ROBO2: variants seen among roughly 807,000 people sequenced by gnomAD.
ROBO2 encodes roundabout guidance receptor 2, also known as roundabout homolog 2.
In ROBO2, 53 loss-of-function variants were observed where a neutral mutation model predicts 160.8. The ratio of observed to expected loss-of-function variants is 0.33; its 90% CI spans 0.26 to 0.41. The LOEUF is 0.41. ROBO2 is among the 10% of genes least tolerant of loss of function. The pLI, the probability that ROBO2 is intolerant of heterozygous loss-of-function variation, is 1.00. For synonymous variants in ROBO2, 664 were observed against 611.7 expected (o/e 1.09, Z -1.26); for missense variants, 1,577 against 1,722.4 (o/e 0.92, Z 1.49).
intron 2 of ROBO2, among the ~76,000 whole-genome samples, chr3:76,935,829 A>C (rs1224554701): frequency 5.3e-5 from 8 of 152,130 alleles, no homozygotes; most frequent in Admixed American, 5.2e-4. Context: ...AGGGAGAAGG[A>C]GCTCTCTGGG....
At chr3:76,136,638 A>G (rs895110715) in intron 2 of ROBO2, among the ~76,000 whole-genome samples, 2 of 152,096 alleles carry the variant, frequency 1.3e-5, no homozygotes, top group Admixed American at 1.3e-4. Flanking sequence ...TTAACTTTGC[A>G]TTTATTTATA....
At chr3:75,911,960 C>A (rs1339207226) in intron 1 of ROBO2, among the ~76,000 whole-genome samples, 1 of 152,154 alleles carries the variant, frequency 6.6e-6, no homozygotes, top group African/African-American at 2.4e-5. Flanking sequence ...GGCCTCAGCA[C>A]ATGGTAGAAA....
At chr3:77,488,394 G>A (rs567519679) in intron 4 of ROBO2, among the ~76,000 whole-genome samples, 3 of 152,158 alleles carry the variant, frequency 2.0e-5, no homozygotes, top group East Asian at 1.9e-4. Flanking sequence ...GTCAGCAAAC[G>A]ACCCTTGAGA....
At chr3:77,254,293 C>T (rs2090693448) in intron 2 of ROBO2, among the ~76,000 whole-genome samples, 1 of 152,128 alleles carries the variant, frequency 6.6e-6, no homozygotes, top group Admixed American at 6.6e-5. Flanking sequence ...TTCTGCTCTT[C>T]TAGTGAATAG....
intron 2 of ROBO2, among the ~76,000 whole-genome samples, chr3:76,855,640 A>T (rs981831280): frequency 1.3e-5 from 2 of 152,326 alleles, no homozygotes; most frequent in Admixed American, 1.3e-4. Context: ...CAGCAGGTGA[A>T]AGAATTCATA....
At chr3:77,023,101 T>G (rs2062742430) in intron 2 of ROBO2, among the ~76,000 whole-genome samples, 1 of 152,276 alleles carries the variant, frequency 6.6e-6, no homozygotes, top group South Asian at 2.1e-4. Context: ...AATTCCCACA[T>G]GTTGTGGGAG....
rs903197598 is a variant in ROBO2, at chr3:76,657,681, T to C, written c.110-440333T>C. Among the ~76,000 whole-genome samples the C allele has an allele frequency of 3.4e-5, 4 of 118,522 alleles. No homozygotes were observed. The East Asian group carries it at 6.0e-4, about 18-fold the overall frequency. The allele number at this position is 118,522 out of a possible 152,430, so 77.8% of individuals were successfully genotyped here. ...TCATATATATGTGTATATATATACA[T>C]ATATGTGTGTATATATATTCATATA... On this transcript the variant is annotated intron_variant, in intron 2 of 26. Transcript: ENST00000487694.
intron 2 of ROBO2, among the ~76,000 whole-genome samples, chr3:76,242,693 C>T (rs1375189803): frequency 1.3e-5 from 2 of 152,072 alleles, no homozygotes; most frequent in African/African-American, 4.8e-5. Flanking sequence ...GGAGATCAAC[C>T]AGGGCAACAT....
chr3:77,040,475 A>G, exon 1 of ROBO2: 1 of 1,207,620 alleles, frequency 8.3e-7, no homozygotes, highest in Non-Finnish European at 1.0e-6. Flanking sequence ...GTGGAGCCTA[A>G]GGAGAGAGGG....
intron 2 of ROBO2, among the ~76,000 whole-genome samples, chr3:75,942,033 C>A (rs1053923645): frequency 2.6e-5 from 4 of 152,062 alleles, no homozygotes; most frequent in Non-Finnish European, 5.9e-5. Flanking sequence ...TTCAAAGTTA[C>A]TTTTATTGTT....
chr3:76,720,933 GAC>G (rs750124644), intron 2 of ROBO2, among the ~76,000 whole-genome samples: 52 of 152,040 alleles, frequency 3.4e-4, no homozygotes, highest in Non-Finnish European at 6.0e-4. Context: ...TGTCCACTAC[GAC>G]ACACAAAAAT....
intron 2 of ROBO2, among the ~76,000 whole-genome samples, chr3:75,959,112 C>G (rs921901159): frequency 6.6e-6 from 1 of 151,658 alleles, no homozygotes; most frequent in Non-Finnish European, 1.5e-5. Flanking sequence ...AGAAAGTAGA[C>G]AAATGAAAAA....
chr3:76,217,856 C>CA (rs1264923736), intron 2 of ROBO2, among the ~76,000 whole-genome samples: 3 of 151,998 alleles, frequency 2.0e-5, no homozygotes, highest in Admixed American at 1.3e-4. Flanking sequence ...AGAGACACAA[C>CA]AAAAAAAGAG....
chr3:77,121,737 T>A (rs2074793958), intron 2 of ROBO2, among the ~76,000 whole-genome samples: 1 of 152,142 alleles, frequency 6.6e-6, no homozygotes, highest in South Asian at 2.1e-4. Context: ...ATGATTAAGA[T>A]CTCATCAGGG....
intron 2 of ROBO2, among the ~76,000 whole-genome samples, chr3:76,161,836 A>G (rs1451575592): frequency 6.6e-6 from 1 of 152,130 alleles, no homozygotes; most frequent in Non-Finnish European, 1.5e-5. Context: ...CCACAAGAGG[A>G]TGATTCTCAT....
At position 76,492,262 on chromosome 3, in the gene ROBO2, A is replaced by G. The variant is rs563316859; in HGVS notation, c.109+554660A>G. 3.3e-5 allele frequency among the ~76,000 whole-genome samples: 5 copies of G among 152,310 alleles called. No individual in the cohort carries two copies. In the South Asian group the frequency reaches 1.0e-3, roughly 32 times the overall value. On this transcript the variant is annotated intron_variant, in intron 2 of 26. Coordinates refer to the ROBO2 transcript ENST00000487694. ...TAAAATTACCTGTTTAATTTTATCA[A>G]TCTGGTTTCAATATTTGTTATTGAG...
At chr3:77,180,416 C>CTCCCTCTCTCTATATATATATA (rs1433740534) in intron 2 of ROBO2, among the ~76,000 whole-genome samples, 1 of 90,708 alleles carries the variant, frequency 1.1e-5, no homozygotes. Flanking sequence ...CTCTCTCTCT[C>CTCCCTCTCTCTATATATATATA]TATATATATA....
At chr3:76,478,598 A>C (rs1425856417) in intron 2 of ROBO2, among the ~76,000 whole-genome samples, 1 of 151,930 alleles carries the variant, frequency 6.6e-6, no homozygotes, top group African/African-American at 2.4e-5. Context: ...AATTGTATAG[A>C]TCCAGATATT....
chr3:77,628,957 C>A (rs923197523), intron 23 of ROBO2, among the ~76,000 whole-genome samples: 1 of 152,206 alleles, frequency 6.6e-6, no homozygotes, highest in African/African-American at 2.4e-5. Flanking sequence ...AGCTGACGTT[C>A]TTTCTGTATT....
Sources: gnomAD v4.1 joint callset for allele counts (sites outside exome capture counted in the v4.1 genomes callset) on GRCh38, gnomAD v4.1.1 for gene constraint, MANE v1.5 for transcripts, NCBI Gene and HGNC (gene_info 2026-07-23, HGNC 2026-07-21) for gene names.